Variants in CTNNBL1 observed in about 807,000 individuals in gnomAD.
CTNNBL1 encodes the protein catenin beta like 1.
In CTNNBL1, 31 loss-of-function variants were observed where a neutral mutation model predicts 72.7. That is an observed-to-expected ratio of 0.43 (90% CI 0.32 to 0.58). The LOEUF is 0.58. Ranked by LOEUF, CTNNBL1 falls within the 20% of genes least tolerant of loss-of-function variation. The pLI is 0.08. For missense variants in CTNNBL1, 534 were observed against 725.1 expected, an observed-to-expected ratio of 0.74 and a Z score of 3.03; for synonymous variants, 240 against 267.3, an observed-to-expected ratio of 0.90 and a Z score of 1.00.
intron 4 of CTNNBL1, 153 bp downstream of exon 4, chr20:37,746,760 T>C (rs767567302): frequency 3.8e-6 from 4 of 1,056,964 alleles, no homozygotes; most frequent in Non-Finnish European, 5.7e-6. Flanking sequence ...ACAATGCTTT[T>C]TACTCATTTG....
intron 8 of CTNNBL1, 100 bp from the exon 9 acceptor site, chr20:37,777,554 A>G (rs909897154): frequency 2.9e-6 from 4 of 1,395,392 alleles, no homozygotes; most frequent in Middle Eastern, 1.9e-4. Flanking sequence ...TACTCTGTCA[A>G]GCTGTATTGA....
chr20:37,766,641 A>G (rs2073471256), intron 6 of CTNNBL1, among the ~76,000 whole-genome samples: 7 of 152,092 alleles, frequency 4.6e-5, no homozygotes, highest in Admixed American at 4.6e-4. Flanking sequence ...GTGCATTTTG[A>G]CAGGTGGAGG....
At chr20:37,801,338 A>T (rs1332768863) in intron 10 of CTNNBL1, among the ~76,000 whole-genome samples, 1 of 152,034 alleles carries the variant, frequency 6.6e-6, no homozygotes, top group African/African-American at 2.4e-5. Flanking sequence ...CCCAGTAAAT[A>T]TTGCATATTG....
intron 10 of CTNNBL1, among the ~76,000 whole-genome samples, chr20:37,788,013 A>G (rs140139255): frequency 4.3e-4 from 66 of 152,274 alleles, no homozygotes; most frequent in African/African-American, 1.6e-3. Context: ...AAACCAAACT[A>G]TTTTAGATCC....
At chr20:37,843,374 G>A (rs1600523567) in intron 13 of CTNNBL1, among the ~76,000 whole-genome samples, 1 of 152,098 alleles carries the variant, frequency 6.6e-6, no homozygotes, top group Non-Finnish European at 1.5e-5. Flanking sequence ...CCACCTTCCC[G>A]TGTTGGGATC....
intron 6 of CTNNBL1, 125 bp downstream of exon 6, chr20:37,765,415 A>G (rs1318006303): frequency 1.6e-6 from 1 of 626,134 alleles, no homozygotes; most frequent in South Asian, 2.1e-5. Context: ...TCTGCTCCCA[A>G]ACTGCCTTCT....
intron 14 of CTNNBL1, 117 bp downstream of exon 14, chr20:37,860,153 C>T: frequency 6.7e-7 from 1 of 1,482,598 alleles, no homozygotes; most frequent in Non-Finnish European, 9.4e-7. Context: ...AATTCCTTTA[C>T]TCTACATCAG....
At chr20:37,695,346 C>T (rs889363513) in intron 1 of CTNNBL1, among the ~76,000 whole-genome samples, 5 of 152,108 alleles carry the variant, frequency 3.3e-5, no homozygotes, top group African/African-American at 1.2e-4. Flanking sequence ...AGGCAGGCAT[C>T]ACTATGCTTG....
chr20:37,756,804 AT>A (rs1202384708), intron 4 of CTNNBL1, among the ~76,000 whole-genome samples: 54 of 142,712 alleles, frequency 3.8e-4, no homozygotes, highest in Admixed American at 4.9e-4. Context: ...TGCCTGGCTG[AT>A]TTTTTTTTTT....
At chr20:37,752,905 T>C (rs2122637659) in intron 4 of CTNNBL1, among the ~76,000 whole-genome samples, 1 of 152,220 alleles carries the variant, frequency 6.6e-6, no homozygotes, top group African/African-American at 2.4e-5. Flanking sequence ...CTCTCTCTTT[T>C]CCTATTATAC....
At chr20:37,807,207 G>T (rs1331035672) in intron 11 of CTNNBL1, among the ~76,000 whole-genome samples, 3 of 152,182 alleles carry the variant, frequency 2.0e-5, no homozygotes, top group African/African-American at 7.2e-5. Flanking sequence ...GTAAAATAAT[G>T]AGGCTAGAAT....
chr20:37,801,610 A>G (rs1010316634), intron 10 of CTNNBL1, among the ~76,000 whole-genome samples: 3 of 152,214 alleles, frequency 2.0e-5, no homozygotes, highest in Admixed American at 6.5e-5. Context: ...AAACTGAGAT[A>G]TAGAAAAAGG....
chr20:37,839,873 T>A (rs1438346521), intron 11 of CTNNBL1, among the ~76,000 whole-genome samples: 1 of 152,242 alleles, frequency 6.6e-6, no homozygotes, highest in Non-Finnish European at 1.5e-5. Context: ...TTGATTCACT[T>A]ACTCAAGTTG....
Position 37,779,167 on chromosome 20 carries a change from G to A in CTNNBL1, c.883-20G>A. The A allele has an allele frequency of 3.7e-6, 6 of 1,611,242 alleles. No individual in the cohort carries two copies. The highest frequency in any genetic ancestry group is 5.1e-6 in the Non-Finnish European group (6 of 1,179,214). Reference sequence around the variant, plus strand: ...ACATTCTCTTATAGCTCTGTGCTTTGTGCTGTTTTTGCTTGACAGGTGTTT... The same window carrying A: ...ACATTCTCTTATAGCTCTGTGCTTTATGCTGTTTTTGCTTGACAGGTGTTT... On this transcript the variant is annotated intron_variant, in intron 9 of 15. Coordinates refer to ENST00000361383, the MANE Select transcript of CTNNBL1 (RefSeq NM_030877.5).
At chr20:37,757,466 A>G in intron 4 of CTNNBL1, 93 bp from the exon 5 acceptor site, 2 of 799,412 alleles carry the variant, frequency 2.5e-6, no homozygotes, top group South Asian at 3.4e-5. Flanking sequence ...AGATGGTGAT[A>G]AAGCAATTGA....
At chr20:37,739,367 G>GT (rs2073195808) in intron 3 of CTNNBL1, among the ~76,000 whole-genome samples, 2 of 151,686 alleles carry the variant, frequency 1.3e-5, no homozygotes, top group South Asian at 2.1e-4. Context: ...TCTACCTTGT[G>GT]TTTTTTTAAT....
chr20:37,758,105 T>G (rs1230300950), intron 5 of CTNNBL1, among the ~76,000 whole-genome samples: 1 of 152,226 alleles, frequency 6.6e-6, no homozygotes, highest in Non-Finnish European at 1.5e-5. Context: ...CTTTCACAAA[T>G]GTTTTTCTCA....
chr20:37,832,212 G>C (rs922900746), intron 11 of CTNNBL1: 1 of 152,240 alleles, frequency 6.6e-6, no homozygotes, highest in Admixed American at 6.5e-5. Context: ...CCAGCTGAGA[G>C]AGCCAAGCAA....
At chr20:37,823,317 C>A (rs1378715219) in intron 11 of CTNNBL1, among the ~76,000 whole-genome samples, 1 of 152,350 alleles carries the variant, frequency 6.6e-6, no homozygotes, top group East Asian at 1.9e-4. Flanking sequence ...TGTCCTCTAA[C>A]TGCCGCCTGA....
Sources: allele counts gnomAD v4.1 joint callset (sites outside exome capture counted in the v4.1 genomes callset), GRCh38; gene constraint gnomAD v4.1.1; transcripts MANE v1.5; gene names NCBI Gene and HGNC (gene_info 2026-07-23, HGNC 2026-07-21).